ROBO1: variants seen among roughly 807,000 people sequenced by gnomAD.
ROBO1 encodes roundabout homolog 1.
Under a neutral mutation model 195.9 loss-of-function variants are expected in ROBO1, and 149 were observed. The observed-to-expected ratio is 0.76, with a 90% CI of 0.67 to 0.87. The LOEUF is 0.87. Ranked by LOEUF, ROBO1 falls within the 40% of genes least tolerant of loss-of-function variation. The pLI is 0.00. For missense variants in ROBO1, 1,933 were observed against 2,068.3 expected, an observed-to-expected ratio of 0.93 and a Z score of 1.27; for synonymous variants, 816 against 733.2, an observed-to-expected ratio of 1.11 and a Z score of -1.82.
At chr3:79,301,212 A>G (rs1576944999) in intron 2 of ROBO1, among the ~76,000 whole-genome samples, 1 of 152,296 alleles carries the variant, frequency 6.6e-6, no homozygotes, top group Non-Finnish European at 1.5e-5. Context: ...CGAACCCACC[A>G]GAAGAAAAAA....
Position 78,938,681 on chromosome 3 carries a change from G to A in ROBO1, c.419C>T (p.Pro140Leu), listed in dbSNP as rs751657164. ...LRIVHGRKSR[P>L]DEGVYVCVAR... ...TACACAGACATAGACTCCTTCATCA[G>A]GTCTACTTTTCCGTCCATGTACTAT... The change falls in exon 4 of 31, where the codon CCT becomes CTT. Residue 140 changes from proline to leucine, a missense_variant. Pro to Leu is a moderately conservative substitution (Grantham distance 98). Around this residue, in one of 3 missense-constraint regions of ROBO1, gnomAD observed 11 missense variants for 26.2 expected, o/e 0.42. Coordinates refer to ENST00000464233, the MANE Select transcript of ROBO1 (RefSeq NM_002941.4). 5 of 1,613,960 alleles carry A rather than the reference G, an allele frequency of 3.1e-6. No homozygotes were observed. The highest frequency in any genetic ancestry group is 4.5e-5 in the East Asian group (2 of 44,878).
rs1703093773 is a variant in ROBO1, at chr3:78,600,273, G to A, written c.4781C>T (p.Thr1594Ile). The A allele has an allele frequency of 1.2e-6, 2 of 1,612,640 alleles. No homozygotes were observed. Among genetic ancestry groups the A allele is most frequent in the Non-Finnish European group, 8.5e-7 (1 of 1,178,940 alleles). ...ILPYCRPTFPTSNNPRDPSSS... is the reference protein window; with the variant it reads ...ILPYCRPTFPISNNPRDPSSS... ...ACTGGGATCTCTGGGATTATTTGATGTTGGAAAAGTAGGTCTACAATAAGG... is the reference window on the plus strand; with the variant it reads ...ACTGGGATCTCTGGGATTATTTGATATTGGAAAAGTAGGTCTACAATAAGG... The change falls in exon 30 of 31, where the codon ACA becomes ATA. Residue 1594 changes from threonine to isoleucine, a missense_variant. By Grantham distance (89) the Thr-to-Ile change is moderately conservative (BLOSUM62 -1). Coordinates refer to ENST00000464233, the MANE Select transcript of ROBO1 (RefSeq NM_002941.4).
At chr3:79,459,226 G>T (rs528602604) in intron 2 of ROBO1, among the ~76,000 whole-genome samples, 2 of 152,138 alleles carry the variant, frequency 1.3e-5, no homozygotes, top group Non-Finnish European at 2.9e-5. Context: ...TACTCATTTT[G>T]TGGTTGCTTA....
Position 78,714,466 on chromosome 3 carries a change from C to T in ROBO1, c.976G>A (p.Gly326Ser), listed in dbSNP as rs2108051635. ...TTTTCTGCAACACAAGTGTATGAAC[C>T]CATGTCACCAGCTGTCACCTTCCTA... Reference protein sequence around the residue: ...KIRKVTAGDMGSYTCVAENMV... With the variant: ...KIRKVTAGDMSSYTCVAENMV... Residue 326 changes from glycine (G) to serine (S), a missense_variant, in exon 8 of 31, where the codon GGT becomes AGT. This residue lies in a region of ROBO1 where 1,737 missense variants were observed against 1,882.5 expected (regional missense o/e 0.92). Transcript: ENST00000464233. 6.2e-7 allele frequency: 1 copy of T among 1,613,016 alleles called. No individual in the cohort carries two copies. Among genetic ancestry groups the T allele is most frequent in the Non-Finnish European group, 8.5e-7 (1 of 1,179,354 alleles).
At chr3:79,135,947 A>G (rs1192066597) in intron 2 of ROBO1, among the ~76,000 whole-genome samples, 1 of 152,208 alleles carries the variant, frequency 6.6e-6, no homozygotes, top group African/African-American at 2.4e-5. Flanking sequence ...CCAATCACTC[A>G]ATCTTTTATG....
chr3:78,716,736 C>T (rs1421674774), intron 7 of ROBO1, among the ~76,000 whole-genome samples: 2 of 152,144 alleles, frequency 1.3e-5, no homozygotes, highest in Admixed American at 6.5e-5. Context: ...ATGGAGAAGA[C>T]GGCCCGCTGA....
chr3:79,321,324 A>G (rs1033259810), intron 2 of ROBO1, among the ~76,000 whole-genome samples: 1 of 152,134 alleles, frequency 6.6e-6, no homozygotes, highest in Admixed American at 6.5e-5. Context: ...TGCCTAAGTG[A>G]TTAGTAACAA....
In ROBO1 at chr3:78,637,984, TG is replaced by T. The variant is rs370449394; in HGVS notation, c.3037+1759del. Among the ~76,000 whole-genome samples the T allele has an allele frequency of 5.3e-3, 712 of 134,460 alleles. 4 individuals carry two copies. The highest frequency in any genetic ancestry group is 0.012 in the African/African-American group (403 of 33,176). 88.2% of individuals were successfully genotyped at this position (134,460 alleles called of 152,430 possible). ...ATATTGGCAATATTGGGTTTTTTTT[TG>T]GGGGGGGGAGGGGTTGTTTGGTAAG... On this transcript the variant is annotated intron_variant, in intron 22 of 30. Transcript: ENST00000464233.
intron 4 of ROBO1, among the ~76,000 whole-genome samples, chr3:78,847,212 T>C (rs912881234): frequency 6.6e-6 from 1 of 152,120 alleles, no homozygotes; most frequent in African/African-American, 2.4e-5. Flanking sequence ...AATGAAATCA[T>C]ATGGAGGATG....
At chr3:79,151,909 G>C (rs1344151744) in intron 2 of ROBO1, among the ~76,000 whole-genome samples, 1 of 151,742 alleles carries the variant, frequency 6.6e-6, no homozygotes, top group Admixed American at 6.6e-5. Flanking sequence ...CCCTAACATT[G>C]ATATCTGATT....
At chr3:79,342,261 CAGA>C (rs1350706941) in intron 2 of ROBO1, among the ~76,000 whole-genome samples, 1 of 152,050 alleles carries the variant, frequency 6.6e-6, no homozygotes, top group East Asian at 1.9e-4. Flanking sequence ...ATGGCATTTG[CAGA>C]AGATTATTTT....
In ROBO1 at chr3:78,711,344, C is replaced by T. The variant is rs980240071; in HGVS notation, c.1045+3053G>A. The stretch of plus-strand genomic sequence containing the variant: ...CTCTCTCTCCTTCCTTCCTTCCTTC[C>T]TTCCTCCTTCCTTCCTTCCTTCCTT... On this transcript the variant is annotated intron_variant, in intron 8 of 30. Transcript: ENST00000464233. Among the ~76,000 whole-genome samples the T allele has an allele frequency of 6.8e-3, 572 of 83,724 alleles. 3 individuals are homozygous for T. The highest frequency in any genetic ancestry group is 0.03 in the African/African-American group (519 of 17,048). The allele number at this position is 83,724 out of a possible 152,430, so 54.9% of individuals were successfully genotyped here.
intron 2 of ROBO1, among the ~76,000 whole-genome samples, chr3:79,529,349 T>C (rs1301577519): frequency 1.3e-5 from 2 of 152,050 alleles, no homozygotes. Flanking sequence ...AGCTAGGCCT[T>C]TAATGGTGCA....
chr3:79,050,068 C>T (rs957389584), intron 3 of ROBO1, among the ~76,000 whole-genome samples: 2 of 152,056 alleles, frequency 1.3e-5, no homozygotes, highest in East Asian at 3.9e-4. Context: ...TGTAAATGGG[C>T]TAAGTGTCCC....
intron 4 of ROBO1, among the ~76,000 whole-genome samples, chr3:78,824,719 G>A (rs1026730746): frequency 6.6e-6 from 1 of 152,080 alleles, no homozygotes; most frequent in Non-Finnish European, 1.5e-5. Flanking sequence ...CCACTTAATA[G>A]GGATAATAAT....
At chr3:78,866,092 G>A (rs2035159302) in intron 4 of ROBO1, among the ~76,000 whole-genome samples, 1 of 152,018 alleles carries the variant, frequency 6.6e-6, no homozygotes, top group Non-Finnish European at 1.5e-5. Flanking sequence ...AAAATATTGT[G>A]CATGATGGAA....
chr3:79,594,664 G>T (rs1944107534), intron 1 of ROBO1, among the ~76,000 whole-genome samples: 1 of 151,894 alleles, frequency 6.6e-6, no homozygotes, highest in Admixed American at 6.6e-5. Context: ...AACTCTCTTA[G>T]TTGCATCTTT....
chr3:79,292,511 G>A (rs953647832), intron 2 of ROBO1, among the ~76,000 whole-genome samples: 2 of 152,136 alleles, frequency 1.3e-5, no homozygotes, highest in African/African-American at 4.8e-5. Context: ...CAGGCTGTGG[G>A]TTTGTTATAA....
At chr3:79,763,967 A>G (rs532639240) in intron 1 of ROBO1, among the ~76,000 whole-genome samples, 5 of 152,356 alleles carry the variant, frequency 3.3e-5, no homozygotes, top group African/African-American at 9.6e-5. Flanking sequence ...TAAAAGCAGC[A>G]GTATGACATA....
Sources: gnomAD v4.1 joint callset for allele counts (sites outside exome capture counted in the v4.1 genomes callset) on GRCh38, gnomAD v4.1.1 for gene constraint, gnomAD v4.1.1 regional missense constraint, MANE v1.5 for transcripts, NCBI Gene and HGNC (gene_info 2026-07-23, HGNC 2026-07-21) for gene names.